The following NLGN1 variants were observed in gnomAD, a reference collection of about 807,000 sequenced individuals.
NLGN1 encodes neuroligin 1, also known as neuroligin-1.
Under a neutral mutation model 65.5 loss-of-function variants are expected in NLGN1, and 12 were observed. That is an observed-to-expected ratio of 0.18 (90% CI 0.12 to 0.30). NLGN1 has a LOEUF of 0.30. Among genes scored for constraint, NLGN1 ranks in the 10% least tolerant of loss-of-function variants. NLGN1 has a pLI of 1.00. For missense variants in NLGN1, 750 were observed against 1,007.1 expected (o/e 0.74, Z 3.46); for synonymous variants, 350 against 359.5 (o/e 0.97, Z 0.30).
At chr3:174,229,151 A>G (rs1040125505) in intron 4 of NLGN1, among the ~76,000 whole-genome samples, 1 of 152,148 alleles carries the variant, frequency 6.6e-6, no homozygotes, top group Admixed American at 6.5e-5. Context: ...TTTTCATTAT[A>G]TAGAATTATT....
At chr3:174,193,184 A>G (rs1174258412) in intron 4 of NLGN1, among the ~76,000 whole-genome samples, 1 of 152,212 alleles carries the variant, frequency 6.6e-6, no homozygotes, top group Non-Finnish European at 1.5e-5. Flanking sequence ...GGCATACAAT[A>G]GTTTTAAAAA....
intron 3 of NLGN1, among the ~76,000 whole-genome samples, chr3:173,699,251 C>G (rs1486482299): frequency 1.3e-5 from 2 of 152,122 alleles, no homozygotes; most frequent in East Asian, 1.9e-4. Context: ...TATGGTTTAC[C>G]AAGCCTGAAC....
chr3:173,524,056 G>A (rs1210505322), intron 2 of NLGN1, among the ~76,000 whole-genome samples: 1 of 150,256 alleles, frequency 6.7e-6, no homozygotes, highest in Non-Finnish European at 1.5e-5. Flanking sequence ...GAGTAGCTGG[G>A]ACTACAGGCA....
At chr3:174,289,965 A>G (rs11928174), downstream of NLGN1, among the ~76,000 whole-genome samples, 57 of 108,278 alleles carry the variant, frequency 5.3e-4, no homozygotes, top group South Asian at 3.8e-3. Context: ...GTATATATAT[A>G]TATGTATATA....
rs1438413685 is a variant in NLGN1 at position 173,541,610 on chromosome 3, A to T, written c.-320-62669A>T. On this transcript the variant is annotated intron_variant, in intron 2 of 6. Transcript: ENST00000457714. The stretch of plus-strand genomic sequence containing the variant: ...TATTTGTAGGTAGGGGGATTAACTT[A>T]GTAAGAAAGGAAACAGAAGTGGTAA... Among the ~76,000 whole-genome samples, 4 of 152,172 alleles carry T rather than the reference A, an allele frequency of 2.6e-5. No individual in the cohort carries two copies. In the East Asian group the frequency reaches 7.7e-4, roughly 29 times the overall value.
At chr3:173,604,584 A>G (rs1560036076) in exon 3 of NLGN1, 1 of 1,611,550 alleles carries the variant, frequency 6.2e-7, no homozygotes, top group Admixed American at 1.7e-5. Flanking sequence ...ACAACTAGAC[A>G]ACTAATGTGG....
At chr3:173,470,195 T>G (rs537466091) in intron 2 of NLGN1, among the ~76,000 whole-genome samples, 9 of 152,202 alleles carry the variant, frequency 5.9e-5, no homozygotes, top group African/African-American at 2.2e-4. Flanking sequence ...GAGAAATCTC[T>G]TAACTGCTTT....
intron 2 of NLGN1, among the ~76,000 whole-genome samples, chr3:173,468,340 C>T (rs891506162): frequency 6.6e-6 from 1 of 152,020 alleles, no homozygotes; most frequent in Admixed American, 6.6e-5. Context: ...ATTTTCAAAC[C>T]TCTTGGAACT....
chr3:173,825,855 A>T (rs1467428352), intron 4 of NLGN1, among the ~76,000 whole-genome samples: 1 of 152,004 alleles, frequency 6.6e-6, no homozygotes, highest in Non-Finnish European at 1.5e-5. Flanking sequence ...CTTAACTGTG[A>T]TTTTGGTTTT....
intron 5 of NLGN1, 96 bp from the exon 6 acceptor site, chr3:174,278,765 T>C: frequency 9.9e-7 from 1 of 1,010,522 alleles, no homozygotes. Flanking sequence ...GAGCTGTATC[T>C]GGGTTTTTAT....
chr3:173,805,014 G>GA (rs1400803467), intron 3 of NLGN1, among the ~76,000 whole-genome samples: 1 of 152,086 alleles, frequency 6.6e-6, no homozygotes, highest in Non-Finnish European at 1.5e-5. Context: ...TGACGAGAGT[G>GA]AAACTCAGTC....
At chr3:173,942,537 A>G (rs1488081080) in intron 4 of NLGN1, among the ~76,000 whole-genome samples, 2 of 152,186 alleles carry the variant, frequency 1.3e-5, no homozygotes, top group Non-Finnish European at 2.9e-5. Context: ...AGAGTTGAAA[A>G]TGTGGCATCA....
At chr3:173,437,950 C>T (rs955646898) in intron 2 of NLGN1, among the ~76,000 whole-genome samples, 2 of 152,140 alleles carry the variant, frequency 1.3e-5, no homozygotes, top group South Asian at 4.1e-4. Context: ...TGGTCTTTTT[C>T]TTTCATTTCA....
intron 4 of NLGN1, among the ~76,000 whole-genome samples, chr3:174,153,444 G>A (rs1250385781): frequency 6.6e-6 from 1 of 152,034 alleles, no homozygotes; most frequent in Admixed American, 6.6e-5. Flanking sequence ...TGCTTACAGA[G>A]AAAATTGCAG....
intron 4 of NLGN1, among the ~76,000 whole-genome samples, chr3:174,076,484 G>A (rs9290492): frequency 1.7e-3 from 253 of 152,200 alleles, no homozygotes; most frequent in African/African-American, 5.8e-3. Flanking sequence ...CTCAGGATGC[G>A]TCTGAAGAGG....
At chr3:173,567,735 C>T (rs1743926239) in intron 2 of NLGN1, among the ~76,000 whole-genome samples, 1 of 151,808 alleles carries the variant, frequency 6.6e-6, no homozygotes, top group Admixed American at 6.6e-5. Context: ...GAGCATATTT[C>T]CACATACAGG....
intron 4 of NLGN1, among the ~76,000 whole-genome samples, chr3:173,851,689 G>A (rs59853720): frequency 6.6e-6 from 1 of 152,076 alleles, no homozygotes; most frequent in South Asian, 2.1e-4. Flanking sequence ...ATACCTAGAA[G>A]ATGCTTGATA....
intron 4 of NLGN1, among the ~76,000 whole-genome samples, chr3:174,176,677 G>C (rs73035669): frequency 0.015 from 2,312 of 152,150 alleles, 56 homozygotes; most frequent in African/African-American, 0.053. Context: ...CTTTGTAGTA[G>C]AGATTGCTGT....
At position 173,420,089 on chromosome 3, in the gene NLGN1, A is replaced by ATTC. The variant is rs772804491; in HGVS notation, c.-389-14919_-389-14918insCTT. Among the ~76,000 whole-genome samples the ATTC allele has an allele frequency of 1.9e-3, 271 of 145,272 alleles. 1 individual carries two copies. The highest frequency in any genetic ancestry group is 3.2e-3 in the Non-Finnish European group (209 of 66,220). ...TCTTTTTTTTTTCATTATTATTATTATTATACTTTAAGTTTTAGGGTACAT... is the reference window on the plus strand; with the variant it reads ...TCTTTTTTTTTTCATTATTATTATTATTCTTATACTTTAAGTTTTAGGGTACAT... On this transcript the variant is annotated intron_variant, in intron 1 of 6. Coordinates refer to ENST00000457714, the Ensembl canonical transcript of NLGN1.
Sources: allele counts gnomAD v4.1 joint callset (sites outside exome capture counted in the v4.1 genomes callset), GRCh38; gene constraint gnomAD v4.1.1; transcripts MANE v1.5; gene names NCBI Gene and HGNC (gene_info 2026-07-23, HGNC 2026-07-21).